RSBN1L: variants seen among roughly 807,000 people sequenced by gnomAD.
The protein encoded by RSBN1L is round spermatid basic protein 1 like.
Under a neutral mutation model 67.7 loss-of-function variants are expected in RSBN1L, and 30 were observed. The ratio of observed to expected loss-of-function variants is 0.44; its 90% CI spans 0.33 to 0.60. The LOEUF (loss-of-function observed/expected upper bound fraction) is 0.60, where lower values mean the gene tolerates loss of function less well. Ranked by LOEUF, RSBN1L falls within the 20% of genes least tolerant of loss-of-function variation. The pLI is 0.02. For synonymous variants in RSBN1L, 433 were observed against 387.0 expected (o/e 1.12, Z -1.39); for missense variants, 992 against 1,031.7 (o/e 0.96, Z 0.53).
At chr7:77,705,301 G>A (rs1207318950) in intron 1 of RSBN1L, among the ~76,000 whole-genome samples, 1 of 151,922 alleles carries the variant, frequency 6.6e-6, no homozygotes, top group Non-Finnish European at 1.5e-5. Context: ...GTCTTATTGT[G>A]GTGATATTTA....
chr7:77,756,511 T>C (rs778504404), intron 3 of RSBN1L, among the ~76,000 whole-genome samples: 5 of 152,114 alleles, frequency 3.3e-5, no homozygotes, highest in African/African-American at 4.8e-5. Flanking sequence ...GTGTGGTGGC[T>C]CATGCCTGTA....
chr7:77,701,266 A>G (rs1356878219), intron 1 of RSBN1L, among the ~76,000 whole-genome samples: 8 of 151,300 alleles, frequency 5.3e-5, no homozygotes, highest in African/African-American at 1.9e-4. Flanking sequence ...CCTGCTGCAT[A>G]GCTGTCACCT....
At chr7:77,716,513 A>G (rs1791050416) in intron 1 of RSBN1L, among the ~76,000 whole-genome samples, 1 of 142,270 alleles carries the variant, frequency 7.0e-6, no homozygotes, top group South Asian at 2.2e-4. Flanking sequence ...AAGTTCTTCT[A>G]CCCACTGTCA....
chr7:77,696,739 T>G lies in RSBN1L; in HGVS notation c.270T>G (p.Pro90=). The change falls in exon 1 of 8, where the codon CCT becomes CCG. Residue 90 remains proline, a synonymous_variant. Coordinates refer to ENST00000334955, the MANE Select transcript of RSBN1L (RefSeq NM_198467.3). ...YGSPASWSFA[P]LSAAPSPSSS... is the part of the protein sequence containing the mutation. ...GCCCCGCGTCTTGGAGCTTTGCCCC[T>G]CTGTCTGCTGCTCCCTCCCCGTCCT... 1 of 1,613,732 alleles carries G rather than the reference T, an allele frequency of 6.2e-7. No homozygotes were observed. Among genetic ancestry groups the G allele is most frequent in the Non-Finnish European group, 8.5e-7 (1 of 1,179,962 alleles).
At chr7:77,741,618 G>A (rs1791411379) in intron 2 of RSBN1L, among the ~76,000 whole-genome samples, 1 of 151,604 alleles carries the variant, frequency 6.6e-6, no homozygotes, top group Non-Finnish European at 1.5e-5. Context: ...TGTGAACCCG[G>A]GAGGTGGAGC....
chr7:77,775,289 C>G (rs1056697286), intron 6 of RSBN1L, among the ~76,000 whole-genome samples: 1 of 152,130 alleles, frequency 6.6e-6, no homozygotes, highest in African/African-American at 2.4e-5. Flanking sequence ...AATCCCAGCA[C>G]TTTTGGAGGC....
intron 1 of RSBN1L, among the ~76,000 whole-genome samples, chr7:77,735,558 A>G (rs1249203689): frequency 6.6e-6 from 1 of 152,178 alleles, no homozygotes; most frequent in African/African-American, 2.4e-5. Context: ...GTGATTTTTA[A>G]GAGATTATGC....
rs1400354188 is a variant in RSBN1L at position 77,697,104 on chromosome 7, C to T, written c.586+49C>T. On this transcript the variant is annotated intron_variant, in intron 1 of 7. Coordinates refer to ENST00000334955, the MANE Select transcript of RSBN1L (RefSeq NM_198467.3). ...AGGGGAGGGCGCCGTGGGTCCCCGC[C>T]GCCCCCTGGCGCCCACGGGGCCCGG... 2.3e-6 allele frequency: 3 copies of T among 1,317,878 alleles called. No individual in the cohort carries two copies. In the Admixed American group the frequency reaches 1.2e-4, roughly 53 times the overall value. The allele number at this position is 1,317,878 out of a possible 1,614,324, so 81.6% of individuals were successfully genotyped here.
At chr7:77,767,162 C>CA (rs1791779374) in intron 4 of RSBN1L, among the ~76,000 whole-genome samples, 2 of 151,310 alleles carry the variant, frequency 1.3e-5, no homozygotes, top group South Asian at 4.2e-4. Context: ...GTCCTGGGCT[C>CA]AAGCAGTCCT....
rs1050971025 is a variant in RSBN1L, at chr7:77,748,901, G to A, written c.704-523G>A. On this transcript the variant is annotated intron_variant, in intron 2 of 7. Coordinates refer to ENST00000334955, the MANE Select transcript of RSBN1L (RefSeq NM_198467.3). ...ATGTAACTTTGCTCTATGCCCGTCTGTCTGTCTGTCTGTCTCTCTCTTTCT... is the reference window on the plus strand; with the variant it reads ...ATGTAACTTTGCTCTATGCCCGTCTATCTGTCTGTCTGTCTCTCTCTTTCT... Among the ~76,000 whole-genome samples, 32 of 33,254 alleles carry A rather than the reference G, an allele frequency of 9.6e-4. No homozygotes were observed. The African/African-American group carries it at 0.019, about 20-fold the overall frequency. 21.8% of individuals were successfully genotyped at this position (33,254 alleles called of 152,430 possible). A position where few individuals can be genotyped will look rare whatever the true frequency, so the allele number is the denominator to read the frequency against.
chr7:77,780,583 A>G lies in RSBN1L; in HGVS notation c.*1415A>G, dbSNP rs1398596196. ...AAATCCTTTTACATTTTTCTTGCAG[A>G]ATGGGAGAAAAATATGGCAAATACA... On this transcript the variant is annotated 3_prime_UTR_variant, in exon 8 of 8. Transcript: ENST00000334955. The G allele has an allele frequency of 6.6e-6, 1 of 152,228 alleles. No homozygotes were observed. The highest frequency in any genetic ancestry group is 1.5e-5 in the Non-Finnish European group (1 of 68,044). 9.4% of individuals were successfully genotyped at this position (152,228 alleles called of 1,614,324 possible). A position where few individuals can be genotyped will look rare whatever the true frequency, so the allele number is the denominator to read the frequency against.
rs192074302 is a variant in RSBN1L at position 77,756,307 on chromosome 7, G to T, written c.1344+6243G>T. Reference sequence around the variant, plus strand: ...CCACCACACCTGGCTAATTTTTTGTGTTTTCAGTAGAGATGGGGTTTCACC... The same window carrying T: ...CCACCACACCTGGCTAATTTTTTGTTTTTTCAGTAGAGATGGGGTTTCACC... On this transcript the variant is annotated intron_variant, in intron 3 of 7. Coordinates refer to ENST00000334955, the MANE Select transcript of RSBN1L (RefSeq NM_198467.3). Among the ~76,000 whole-genome samples, 205 of 151,870 alleles carry T rather than the reference G, an allele frequency of 1.3e-3. 1 individual carries two copies. Among genetic ancestry groups the T allele is most frequent in the African/African-American group, 4.6e-3 (192 of 41,436 alleles).
At position 77,778,399 on chromosome 7, in the gene RSBN1L, G is replaced by A; in HGVS notation, c.1855G>A (p.Val619Ile). 1 of 1,613,514 alleles carries A rather than the reference G, an allele frequency of 6.2e-7. No homozygotes were observed. Among genetic ancestry groups the A allele is most frequent in the Non-Finnish European group, 8.5e-7 (1 of 1,179,696 alleles). Residue 619 changes from valine to isoleucine, a missense_variant, in exon 7 of 8, where the codon GTA becomes ATA. Coordinates refer to ENST00000334955, the MANE Select transcript of RSBN1L (RefSeq NM_198467.3). ...ICFHAEDFLEVVQRMQLDLHE... is the reference protein window; with the variant it reads ...ICFHAEDFLEIVQRMQLDLHE... ...TTTTCATGCTGAAGATTTCTTAGAAGTAGTTCAACGAATGCAGTTAGATTT... is the reference window on the plus strand; with the variant it reads ...TTTTCATGCTGAAGATTTCTTAGAAATAGTTCAACGAATGCAGTTAGATTT...
intron 1 of RSBN1L, among the ~76,000 whole-genome samples, chr7:77,706,539 A>G (rs1248533965): frequency 6.6e-6 from 1 of 152,190 alleles, no homozygotes; most frequent in African/African-American, 2.4e-5. Context: ...TAATTATCCC[A>G]GCCTAACCAT....
chr7:77,748,426 T>G (rs1299686819), intron 2 of RSBN1L, among the ~76,000 whole-genome samples: 1 of 152,184 alleles, frequency 6.6e-6, no homozygotes, highest in African/African-American at 2.4e-5. Context: ...GAACCAGAAT[T>G]TAAGCAGTAA....
At chr7:77,767,840 C>T (rs1445203952) in intron 4 of RSBN1L, among the ~76,000 whole-genome samples, 2 of 58,948 alleles carry the variant, frequency 3.4e-5, no homozygotes, top group Non-Finnish European at 7.1e-5. Flanking sequence ...TCCCTCCCCC[C>T]TTCTCCCTCC....
intron 6 of RSBN1L, among the ~76,000 whole-genome samples, chr7:77,778,115 T>G (rs1791941398): frequency 6.6e-6 from 1 of 152,210 alleles, no homozygotes; most frequent in Non-Finnish European, 1.5e-5. Flanking sequence ...TGACAAATGT[T>G]TATATAAAAA....
Position 77,782,305 on chromosome 7 carries a change from AC to A in RSBN1L, c.*3138del, listed in dbSNP as rs1317072223. On this transcript the variant is annotated 3_prime_UTR_variant, in exon 8 of 8. Coordinates refer to ENST00000334955, the MANE Select transcript of RSBN1L (RefSeq NM_198467.3). Reference sequence around the variant, plus strand: ...AGACATCGTTTCTATATGGTCATATACTATATAGAATAAAGAATTGTTATGT... The same window carrying A: ...AGACATCGTTTCTATATGGTCATATATATATAGAATAAAGAATTGTTATGT... The A allele has an allele frequency of 5.3e-5, 8 of 152,322 alleles. No homozygotes were observed. The highest frequency in any genetic ancestry group is 1.0e-4 in the Non-Finnish European group (7 of 68,032). The allele number at this position is 152,322 out of a possible 1,614,324, so 9.4% of individuals were successfully genotyped here. A position where few individuals can be genotyped will look rare whatever the true frequency, so the allele number is the denominator to read the frequency against.
chr7:77,727,089 C>CTT lies in RSBN1L; in HGVS notation c.587-9307_587-9306dup, dbSNP rs35249892. On this transcript the variant is annotated intron_variant, in intron 1 of 7. Coordinates refer to ENST00000334955, the MANE Select transcript of RSBN1L (RefSeq NM_198467.3). Reference sequence around the variant, plus strand: ...AGCCACTGTGCCTGGCCATCATCTGCTTTTTTTTTTTTTTTGAGATGGAGT... The same window carrying CTT: ...AGCCACTGTGCCTGGCCATCATCTGCTTTTTTTTTTTTTTTTTGAGATGGAGT... 4.5e-3 allele frequency among the ~76,000 whole-genome samples: 525 copies of CTT among 116,970 alleles called. 7 individuals are homozygous for CTT. Among genetic ancestry groups the CTT allele is most frequent in the African/African-American group, 0.014 (445 of 31,322 alleles). The allele number at this position is 116,970 out of a possible 152,430, so 76.7% of individuals were successfully genotyped here. A position where few individuals can be genotyped will look rare whatever the true frequency, so the allele number is the denominator to read the frequency against.
Sources: allele counts gnomAD v4.1 joint callset (sites outside exome capture counted in the v4.1 genomes callset), GRCh38; gene constraint gnomAD v4.1.1; transcripts MANE v1.5; gene names NCBI Gene and HGNC (gene_info 2026-07-23, HGNC 2026-07-21).